The following CACNA2D3 variants were observed in gnomAD, a reference collection of about 807,000 sequenced individuals.
The protein encoded by CACNA2D3 is calcium voltage-gated channel auxiliary subunit alpha2delta 3, also known as voltage-dependent calcium channel subunit alpha-2/delta-3.
CACNA2D3 carries 60 observed loss-of-function variants against 160.6 expected under a neutral mutation model. The observed-to-expected ratio is 0.37, with a 90% CI of 0.30 to 0.46. The LOEUF is 0.46. Ranked by LOEUF, CACNA2D3 falls within the 20% of genes least tolerant of loss-of-function variation. The pLI is 1.00. For missense variants in CACNA2D3, 1,205 were observed against 1,365.0 expected (o/e 0.88, Z 1.85); for synonymous variants, 558 against 492.9 (o/e 1.13, Z -1.75).
At chr3:54,932,373 G>A (rs149664366) in intron 27 of CACNA2D3, among the ~76,000 whole-genome samples, 27 of 152,188 alleles carry the variant, frequency 1.8e-4, no homozygotes, top group Admixed American at 7.8e-4. Context: ...GTCTGAAAAT[G>A]GAATAAGTGG....
intron 2 of CACNA2D3, among the ~76,000 whole-genome samples, chr3:54,192,085 A>G (rs976929907): frequency 2.0e-5 from 3 of 149,844 alleles, no homozygotes; most frequent in Non-Finnish European, 3.0e-5. Context: ...ATCAATAATG[A>G]GGAAACCTGG....
intron 9 of CACNA2D3, among the ~76,000 whole-genome samples, chr3:54,610,448 T>C (rs1231026640): frequency 6.6e-6 from 1 of 152,030 alleles, no homozygotes; most frequent in East Asian, 1.9e-4. Flanking sequence ...GCTTTTTTTT[T>C]TTTAAGTCCG....
At chr3:54,864,885 C>T (rs919649687) in intron 17 of CACNA2D3, among the ~76,000 whole-genome samples, 1 of 152,148 alleles carries the variant, frequency 6.6e-6, no homozygotes, top group Non-Finnish European at 1.5e-5. Flanking sequence ...CATGTCACCA[C>T]GTGACCTGCC....
intron 11 of CACNA2D3, among the ~76,000 whole-genome samples, chr3:54,745,973 T>C (rs1323929979): frequency 1.3e-5 from 2 of 152,222 alleles, no homozygotes; most frequent in African/African-American, 4.8e-5. Context: ...GTAATTTAAT[T>C]CAATTTATCC....
At chr3:54,809,208 C>T (rs1265137239) in intron 13 of CACNA2D3, among the ~76,000 whole-genome samples, 3 of 151,452 alleles carry the variant, frequency 2.0e-5, no homozygotes, top group African/African-American at 7.3e-5. Context: ...CTTCTCCTTC[C>T]TTTCCTTCTG....
chr3:54,962,750 A>T (rs749398174), intron 27 of CACNA2D3, among the ~76,000 whole-genome samples: 1 of 152,074 alleles, frequency 6.6e-6, no homozygotes, highest in East Asian at 1.9e-4. Flanking sequence ...TGAGCTCTCT[A>T]TGTGTATGTG....
At chr3:54,870,106 A>G (rs1699491140) in intron 17 of CACNA2D3, among the ~76,000 whole-genome samples, 1 of 152,128 alleles carries the variant, frequency 6.6e-6, no homozygotes, top group African/African-American at 2.4e-5. Flanking sequence ...AGTTCCTGAA[A>G]TGCAGTTGAC....
intron 9 of CACNA2D3, among the ~76,000 whole-genome samples, chr3:54,611,319 C>T (rs2106789134): frequency 6.6e-6 from 1 of 152,304 alleles, no homozygotes; most frequent in Non-Finnish European, 1.5e-5. Flanking sequence ...GGTATTTCTG[C>T]TTCAGGAGGT....
intron 8 of CACNA2D3, among the ~76,000 whole-genome samples, chr3:54,572,951 T>A (rs1702524036): frequency 1.3e-5 from 2 of 152,174 alleles, no homozygotes; most frequent in South Asian, 2.1e-4. Flanking sequence ...CTATGTAAGT[T>A]CATTAAGATA....
intron 13 of CACNA2D3, among the ~76,000 whole-genome samples, chr3:54,785,194 A>G (rs1368081504): frequency 6.6e-6 from 1 of 152,256 alleles, no homozygotes; most frequent in African/African-American, 2.4e-5. Context: ...ACTGAAAGAT[A>G]TGTTTCTGCC....
rs554785291 is a variant in CACNA2D3 at position 54,603,165 on chromosome 3, G to A, written c.963+21288G>A. On this transcript the variant is annotated intron_variant, in intron 9 of 37. Coordinates refer to ENST00000474759, the MANE Select transcript of CACNA2D3 (RefSeq NM_018398.3). ...CACTGGACACAGGCAGAATCAATTA[G>A]GAAGCTGGACTCAGAGGGCGCTGGC... Among the ~76,000 whole-genome samples the A allele has an allele frequency of 2.6e-5, 4 of 152,314 alleles. No individual in the cohort carries two copies. The South Asian group carries it at 8.3e-4, about 32-fold the overall frequency.
chr3:54,491,127 G>T (rs1417642560), intron 4 of CACNA2D3, among the ~76,000 whole-genome samples: 1 of 152,166 alleles, frequency 6.6e-6, no homozygotes, highest in Non-Finnish European at 1.5e-5. Flanking sequence ...GTGGGCACTG[G>T]CTTTGCTGCT....
At chr3:54,867,019 A>G (rs1037290823) in intron 17 of CACNA2D3, among the ~76,000 whole-genome samples, 1 of 152,266 alleles carries the variant, frequency 6.6e-6, no homozygotes, top group African/African-American at 2.4e-5. Context: ...TGGCTCTCAA[A>G]GTATCTGTTT....
chr3:54,595,313 GGTGTGTGTGTGTGT>G (rs71637562), intron 9 of CACNA2D3, among the ~76,000 whole-genome samples: 2 of 132,202 alleles, frequency 1.5e-5, no homozygotes, highest in Non-Finnish European at 3.1e-5. Flanking sequence ...CTGTGTGTGT[GGTGTGTGTGTGTGT>G]GTGTGTGTGT....
intron 2 of CACNA2D3, among the ~76,000 whole-genome samples, chr3:54,292,658 A>T (rs947232267): frequency 6.6e-6 from 1 of 152,210 alleles, no homozygotes; most frequent in African/African-American, 2.4e-5. Flanking sequence ...GGATGACTAT[A>T]ACCAAAAAGT....
intron 14 of CACNA2D3, among the ~76,000 whole-genome samples, chr3:54,818,442 A>G (rs953330337): frequency 2.6e-5 from 4 of 152,228 alleles, no homozygotes; most frequent in African/African-American, 4.8e-5. Context: ...CGGCCTCAAA[A>G]TGCTGGGATA....
intron 2 of CACNA2D3, among the ~76,000 whole-genome samples, chr3:54,293,563 T>TTA (rs35283142): frequency 0.02 from 3,024 of 149,794 alleles, 39 homozygotes; most frequent in Admixed American, 0.045. Context: ...TAATATTCTA[T>TTA]TATATATATA....
chr3:55,023,006 C>T (rs1233377645), intron 35 of CACNA2D3, among the ~76,000 whole-genome samples: 1 of 141,826 alleles, frequency 7.1e-6, no homozygotes, highest in Non-Finnish European at 1.5e-5. Flanking sequence ...TTAAAAAAAG[C>T]ATTGCTTTTT....
At chr3:54,280,809 C>T (rs968850110) in intron 2 of CACNA2D3, among the ~76,000 whole-genome samples, 1 of 152,198 alleles carries the variant, frequency 6.6e-6, no homozygotes, top group South Asian at 2.1e-4. Context: ...GATTCCTCCT[C>T]CTTTTTGGGT....
Sources: gnomAD v4.1 joint callset for allele counts (sites outside exome capture counted in the v4.1 genomes callset) on GRCh38, gnomAD v4.1.1 for gene constraint, MANE v1.5 for transcripts, NCBI Gene and HGNC (gene_info 2026-07-23, HGNC 2026-07-21) for gene names.